GNA14: variants seen among roughly 807,000 people sequenced by gnomAD.
GNA14 encodes guanine nucleotide-binding protein subunit alpha-14.
GNA14 carries 50 observed loss-of-function variants against 42.0 expected under a neutral mutation model. The ratio of observed to expected loss-of-function variants is 1.19; its 90% CI spans 0.95 to 1.51. The LOEUF is 1.51. Ranked by LOEUF, GNA14 falls within the 40% of genes most tolerant of loss-of-function variation. The pLI is 0.00. For missense variants in GNA14, 473 were observed against 446.2 expected (o/e 1.06, Z -0.54); for synonymous variants, 173 against 163.1 (o/e 1.06, Z -0.46).
At chr9:77,544,458 T>C (rs1360848193) in intron 1 of GNA14, among the ~76,000 whole-genome samples, 2 of 152,072 alleles carry the variant, frequency 1.3e-5, no homozygotes, top group African/African-American at 4.8e-5. Flanking sequence ...ATCCCAGCAC[T>C]TTGGGAGGCC....
intron 2 of GNA14, among the ~76,000 whole-genome samples, chr9:77,472,298 C>G (rs749374537): frequency 8.5e-5 from 13 of 152,166 alleles, no homozygotes; most frequent in Non-Finnish European, 1.3e-4. Flanking sequence ...AACCATGATG[C>G]TATCACTTTC....
At chr9:77,468,801 A>C (rs1836279147) in intron 2 of GNA14, among the ~76,000 whole-genome samples, 1 of 152,228 alleles carries the variant, frequency 6.6e-6, no homozygotes, top group South Asian at 2.1e-4. Flanking sequence ...AACTGTGTGA[A>C]GCACAGCCCT....
At chr9:77,545,676 A>T (rs964186843) in intron 1 of GNA14, among the ~76,000 whole-genome samples, 6 of 152,150 alleles carry the variant, frequency 3.9e-5, no homozygotes, top group African/African-American at 1.4e-4. Flanking sequence ...AGACCTGCTG[A>T]TTCCCTGGTC....
intron 1 of GNA14, among the ~76,000 whole-genome samples, chr9:77,561,574 A>C (rs1325868517): frequency 6.6e-6 from 1 of 152,240 alleles, no homozygotes; most frequent in Non-Finnish European, 1.5e-5. Context: ...GAACCTTGAA[A>C]ATATTTGCTA....
At chr9:77,431,612 C>T in intron 3 of GNA14, 163 bp from the exon 4 acceptor site, 1 of 576,976 alleles carries the variant, frequency 1.7e-6, no homozygotes, top group Non-Finnish European at 3.1e-6. Flanking sequence ...CTTCTCCATC[C>T]TTCCTACGAC....
At chr9:77,478,363 T>C (rs1836472048) in intron 2 of GNA14, among the ~76,000 whole-genome samples, 1 of 152,198 alleles carries the variant, frequency 6.6e-6, no homozygotes, top group African/African-American at 2.4e-5. Context: ...GAACTCAACA[T>C]TTTTTATGGC....
chr9:77,590,174 C>T (rs1042186128), intron 1 of GNA14, among the ~76,000 whole-genome samples: 1 of 152,182 alleles, frequency 6.6e-6, no homozygotes, highest in Admixed American at 6.5e-5. Flanking sequence ...CCCTCGGCCT[C>T]CCAAAGTGCT....
At chr9:77,631,633 T>C (rs1007363507) in intron 1 of GNA14, among the ~76,000 whole-genome samples, 9 of 152,112 alleles carry the variant, frequency 5.9e-5, no homozygotes, top group African/African-American at 2.2e-4. Flanking sequence ...AAGTTTTCAT[T>C]AGCAAAAAGT....
chr9:77,635,539 G>A (rs1824170506), intron 1 of GNA14, among the ~76,000 whole-genome samples: 1 of 151,996 alleles, frequency 6.6e-6, no homozygotes, highest in Non-Finnish European at 1.5e-5. Flanking sequence ...GTTTTGCTTT[G>A]TTTTAAATTT....
intron 2 of GNA14, among the ~76,000 whole-genome samples, chr9:77,449,452 G>A (rs1020946514): frequency 1.3e-5 from 2 of 152,124 alleles, no homozygotes; most frequent in Non-Finnish European, 2.9e-5. Flanking sequence ...CCTTAAGCAA[G>A]CCATGTTATC....
chr9:77,529,332 G>T, intron 1 of GNA14, 79 bp from the exon 2 acceptor site: 3 of 1,077,458 alleles, frequency 2.8e-6, no homozygotes, highest in Non-Finnish European at 4.3e-6. Context: ...CCTCCTGGCA[G>T]TATTAATCCA....
intron 2 of GNA14, among the ~76,000 whole-genome samples, chr9:77,473,357 T>C (rs1206046004): frequency 6.6e-6 from 1 of 152,020 alleles, no homozygotes. Context: ...CTTGGGAGGC[T>C]AAAGTGGGAG....
intron 2 of GNA14, among the ~76,000 whole-genome samples, chr9:77,483,454 G>A (rs972662152): frequency 3.9e-5 from 6 of 152,090 alleles, no homozygotes; most frequent in Non-Finnish European, 8.8e-5. Flanking sequence ...AGGAGTACCC[G>A]GCCGTGTGAG....
At chr9:77,533,604 A>G (rs1278028341) in intron 1 of GNA14, among the ~76,000 whole-genome samples, 1 of 152,190 alleles carries the variant, frequency 6.6e-6, no homozygotes, top group Non-Finnish European at 1.5e-5. Context: ...TAGAAGACTT[A>G]ACGTCCCTTT....
intron 2 of GNA14, among the ~76,000 whole-genome samples, chr9:77,478,900 G>T (rs1236881361): frequency 9.2e-5 from 14 of 151,768 alleles, no homozygotes; most frequent in East Asian, 1.9e-4. Flanking sequence ...TAAATTTGTT[G>T]GAGTTCATTG....
At position 77,423,276 on chromosome 9, in the gene GNA14, T is replaced by C. The variant is rs1162598; in HGVS notation, c.*703A>G. On this transcript the variant is annotated 3_prime_UTR_variant, in exon 7 of 7. Transcript: ENST00000341700. ...GTAAAAATGTACACACACACACACGTGCACACACACACATTTTTCACCAAT... is the reference window on the plus strand; with the variant it reads ...GTAAAAATGTACACACACACACACGCGCACACACACACATTTTTCACCAAT... 151,034 of 152,142 alleles carry C rather than the reference T, an allele frequency of 0.99. 74,963 individuals carry two copies. The highest frequency in any genetic ancestry group is 1 in the East Asian group (5,159 of 5,160). The allele number at this position is 152,142 out of a possible 1,614,324, so 9.4% of individuals were successfully genotyped here.
chr9:77,614,747 G>C (rs1030711029), intron 1 of GNA14, among the ~76,000 whole-genome samples: 1 of 152,086 alleles, frequency 6.6e-6, no homozygotes, highest in Non-Finnish European at 1.5e-5. Flanking sequence ...CTTCAGCTGT[G>C]TATTATATTA....
chr9:77,560,489 T>G (rs919213714), intron 1 of GNA14, among the ~76,000 whole-genome samples: 7 of 151,666 alleles, frequency 4.6e-5, no homozygotes, highest in Non-Finnish European at 1.0e-4. Context: ...GTTTGGTTGG[T>G]TTTTTTTGTA....
chr9:77,563,805 C>A (rs979458245), intron 1 of GNA14, among the ~76,000 whole-genome samples: 1 of 151,974 alleles, frequency 6.6e-6, no homozygotes, highest in East Asian at 1.9e-4. Context: ...GTCTAGAATC[C>A]TTTTTTGGAC....
Sources: allele counts gnomAD v4.1 joint callset (sites outside exome capture counted in the v4.1 genomes callset), GRCh38; gene constraint gnomAD v4.1.1; transcripts MANE v1.5; gene names NCBI Gene and HGNC (gene_info 2026-07-23, HGNC 2026-07-21).